ELAVL4: variants seen among roughly 807,000 people sequenced by gnomAD.
ELAVL4 encodes ELAV-like protein 4.
In ELAVL4, 1 loss-of-function variant was observed where a neutral mutation model predicts 35.6. The observed-to-expected ratio is 0.03, with a 90% confidence interval of 0.01 to 0.13. The LOEUF is 0.13. Among genes scored for constraint, ELAVL4 ranks in the 10% least tolerant of loss-of-function variants. The pLI is 1.00. For missense variants in ELAVL4, 267 were observed against 464.9 expected, an observed-to-expected ratio of 0.57 and a Z score of 3.91; for synonymous variants, 156 against 171.0, an observed-to-expected ratio of 0.91 and a Z score of 0.69.
intron 2 of ELAVL4, among the ~76,000 whole-genome samples, chr1:50,149,021 T>G (rs776295232): frequency 8.5e-5 from 13 of 152,154 alleles, no homozygotes; most frequent in Non-Finnish European, 1.8e-4. Context: ...TTATTATTTC[T>G]TTGCCTTTTT....
At chr1:50,177,256 G>A in intron 3 of ELAVL4, 64 bp downstream of exon 3, 1 of 1,266,252 alleles carries the variant, frequency 7.9e-7, no homozygotes, top group Non-Finnish European at 1.2e-6. Flanking sequence ...CTGTTGATCT[G>A]GTAAATCCAG....
intron 1 of ELAVL4, among the ~76,000 whole-genome samples, chr1:50,135,911 G>T (rs1671805064): frequency 6.6e-6 from 1 of 152,078 alleles, no homozygotes; most frequent in Non-Finnish European, 1.5e-5. Flanking sequence ...TGGAAGGGTG[G>T]TATTTCCAAG....
intron 1 of ELAVL4, among the ~76,000 whole-genome samples, chr1:50,097,157 C>T (rs888255479): frequency 3.3e-5 from 5 of 152,128 alleles, no homozygotes; most frequent in Non-Finnish European, 5.9e-5. Flanking sequence ...GAGGTCCAGG[C>T]TGCAGTGAGC....
intron 1 of ELAVL4, among the ~76,000 whole-genome samples, chr1:50,053,091 C>T (rs1264053736): frequency 6.6e-6 from 1 of 152,116 alleles, no homozygotes; most frequent in East Asian, 1.9e-4. Context: ...CAGCTTGATA[C>T]TTGATCTTAT....
chr1:50,181,882 C>T (rs150987456), intron 3 of ELAVL4, among the ~76,000 whole-genome samples: 3 of 152,202 alleles, frequency 2.0e-5, no homozygotes, highest in African/African-American at 4.8e-5. Context: ...AGGGTTTCTC[C>T]GTGTTGGTCA....
rs548818712 is a variant in ELAVL4 at position 50,048,491 on chromosome 1, C to T, written c.18+309C>T. Among the ~76,000 whole-genome samples the T allele has an allele frequency of 3.9e-5, 6 of 152,302 alleles. No individual in the cohort carries two copies. In the East Asian group the frequency reaches 1.2e-3, roughly 30 times the overall value. On this transcript the variant is annotated intron_variant, in intron 1 of 6. Coordinates refer to the ELAVL4 transcript ENST00000448907. ...GAGCTGAAACTTGGGTTGACGCGCG[C>T]CCCCTCCCCAGCGACAGGCGACCCC...
chr1:50,048,469 C>T lies in ELAVL4; in HGVS notation c.18+287C>T, dbSNP rs563139452. ...GACTTCCCGGCCCCAGGGGAGAGAG[C>T]TGAAACTTGGGTTGACGCGCGCCCC... On this transcript the variant is annotated intron_variant, in intron 1 of 6. Coordinates refer to the ELAVL4 transcript ENST00000448907. 2.6e-5 allele frequency among the ~76,000 whole-genome samples: 4 copies of T among 152,256 alleles called. No homozygotes were observed. The South Asian group carries it at 8.3e-4, about 32-fold the overall frequency.
intron 1 of ELAVL4, among the ~76,000 whole-genome samples, chr1:50,136,237 AAC>A (rs1266924408): frequency 2.6e-5 from 4 of 152,144 alleles, no homozygotes; most frequent in East Asian, 1.9e-4. Flanking sequence ...TGTCTTCAGG[AAC>A]ACAGAGCCTG....
intron 1 of ELAVL4, among the ~76,000 whole-genome samples, chr1:50,116,409 T>TGC (rs760389384): frequency 7.7e-5 from 11 of 143,616 alleles, no homozygotes; most frequent in African/African-American, 2.3e-4. Flanking sequence ...TGTGTGTGTG[T>TGC]GTGCGTGTGT....
chr1:50,191,285 T>C (rs1682624465), intron 3 of ELAVL4, among the ~76,000 whole-genome samples: 1 of 152,004 alleles, frequency 6.6e-6, no homozygotes, highest in Non-Finnish European at 1.5e-5. Flanking sequence ...CTATGTGAGG[T>C]CTAGTCCTAG....
At chr1:50,073,892 A>G (rs1664642431) in intron 1 of ELAVL4, among the ~76,000 whole-genome samples, 2 of 152,236 alleles carry the variant, frequency 1.3e-5, no homozygotes, top group Non-Finnish European at 2.9e-5. Context: ...AGACTTTCAG[A>G]TAAGAATCCT....
chr1:50,128,049 A>G (rs1312166232), intron 1 of ELAVL4, among the ~76,000 whole-genome samples: 2 of 152,156 alleles, frequency 1.3e-5, no homozygotes, highest in Non-Finnish European at 1.5e-5. Context: ...TAAAGGTAGA[A>G]ATGTTCTGCA....
chr1:50,125,337 GAGAGTTAC>G (rs900345088), intron 1 of ELAVL4, among the ~76,000 whole-genome samples: 2 of 152,022 alleles, frequency 1.3e-5, no homozygotes, highest in African/African-American at 4.8e-5. Context: ...TGCTAGATTA[GAGAGTTAC>G]ACTAACGAGT....
At chr1:50,106,233 A>G, upstream of ELAVL4, 1 of 1,386,292 alleles carries the variant, frequency 7.2e-7, no homozygotes, top group Non-Finnish European at 1.0e-6. Context: ...CTTCTGGTAC[A>G]GTCCATCTGG....
chr1:50,151,137 G>T (rs188193267), intron 2 of ELAVL4, among the ~76,000 whole-genome samples: 1 of 152,300 alleles, frequency 6.6e-6, no homozygotes, highest in Admixed American at 6.5e-5. Flanking sequence ...TCCAAGTTAA[G>T]GGAGGTGGTA....
At chr1:50,078,564 C>G (rs1231769868) in intron 1 of ELAVL4, among the ~76,000 whole-genome samples, 1 of 152,132 alleles carries the variant, frequency 6.6e-6, no homozygotes, top group African/African-American at 2.4e-5. Flanking sequence ...ACAAAGGGAA[C>G]AGAGGTCTGA....
intron 1 of ELAVL4, among the ~76,000 whole-genome samples, chr1:50,069,012 C>G (rs917778268): frequency 1.2e-4 from 18 of 152,090 alleles, no homozygotes; most frequent in African/African-American, 3.9e-4. Flanking sequence ...AGTATTTTAC[C>G]CAGGATTTCA....
At position 50,145,106 on chromosome 1, in the gene ELAVL4, A is replaced by T; in HGVS notation, c.159A>T (p.Leu53Phe). 6.2e-7 allele frequency: 1 copy of T among 1,613,998 alleles called. No individual in the cohort carries two copies. Among genetic ancestry groups the T allele is most frequent in the Non-Finnish European group, 8.5e-7 (1 of 1,179,944 alleles). The change falls in exon 2 of 7, where the codon TTA (leucine) becomes TTT (phenylalanine). Residue 53 changes from leucine (L) to phenylalanine (F), a missense_variant. Physicochemically the swap from Leu to Phe is conservative, Grantham distance 22 (BLOSUM62 0). Around this residue, in one of 2 missense-constraint regions of ELAVL4, gnomAD observed 216 missense variants for 409.5 expected, o/e 0.53. Transcript: ENST00000371824. The part of the protein sequence containing the change: ...DSKTNLIVNY[L>F]PQNMTQEEFR... ...AAACCAACCTCATCGTCAACTATTT[A>T]CCCCAGAATATGACCCAAGAAGAAT... is the stretch of plus-strand genomic sequence containing the variant.
intron 1 of ELAVL4, among the ~76,000 whole-genome samples, chr1:50,140,337 C>A (rs1672612212): frequency 6.6e-6 from 1 of 152,224 alleles, no homozygotes; most frequent in African/African-American, 2.4e-5. Context: ...TTTTGCCCAG[C>A]CAGCCTCTGT....
Sources: allele counts gnomAD v4.1 joint callset (sites outside exome capture counted in the v4.1 genomes callset), GRCh38; gene constraint gnomAD v4.1.1; regional missense constraint gnomAD v4.1.1; transcripts MANE v1.5; gene names NCBI Gene and HGNC (gene_info 2026-07-23, HGNC 2026-07-21).